FAM120B: variants seen among roughly 807,000 people sequenced by gnomAD.
FAM120B encodes constitutive coactivator of peroxisome proliferator-activated receptor gamma.
Under a neutral mutation model 96.3 loss-of-function variants are expected in FAM120B, and 83 were observed. The observed-to-expected ratio is 0.86, with a 90% confidence interval of 0.72 to 1.03. The LOEUF (loss-of-function observed/expected upper bound fraction) is 1.03. FAM120B is among the 50% of genes least tolerant of loss of function. The pLI, the probability that FAM120B is intolerant of heterozygous loss-of-function variation, is 0.00. For synonymous variants in FAM120B, 407 were observed against 402.7 expected (o/e 1.01, Z -0.13); for missense variants, 1,027 against 1,121.2 (o/e 0.92, Z 1.20).
chr6:170,395,770 G>T lies in FAM120B; in HGVS notation c.2692+191G>T, dbSNP rs367810372. ...AAGACAAATAATTTCCATGGTTGATGCTAGCCCTGTCTGCATCTGGCCACT... is the reference window on the plus strand; with the variant it reads ...AAGACAAATAATTTCCATGGTTGATTCTAGCCCTGTCTGCATCTGGCCACT... On this transcript the variant is annotated intron_variant, in intron 9 of 10. Transcript: ENST00000476287. Among the ~76,000 whole-genome samples, 14 of 152,324 alleles carry T rather than the reference G, an allele frequency of 9.2e-5. No individual in the cohort carries two copies. The East Asian group carries it at 2.5e-3, about 27-fold the overall frequency.
chr6:170,406,356 G>T lies in FAM120B; in HGVS notation c.*1605G>T, dbSNP rs1778802795. On this transcript the variant is annotated 3_prime_UTR_variant, in exon 11 of 11. Coordinates refer to ENST00000476287, the MANE Select transcript of FAM120B (RefSeq NM_032448.3). ...CACCTAAAGACATTTCCTTCTGGTT[G>T]TTGCTCTTTAAAAACAAAATAAGCC... is the stretch of plus-strand genomic sequence containing the variant. The T allele has an allele frequency of 1.3e-5, 2 of 152,160 alleles. No individual in the cohort carries two copies. Among genetic ancestry groups the T allele is most frequent in the African/African-American group, 4.8e-5 (2 of 41,432 alleles). 9.4% of individuals were successfully genotyped at this position (152,160 alleles called of 1,614,324 possible). A position where few individuals can be genotyped will look rare whatever the true frequency, so the allele number is the denominator to read the frequency against.
At chr6:170,365,111 G>A (rs747987314) in intron 6 of FAM120B, among the ~76,000 whole-genome samples, 2 of 152,234 alleles carry the variant, frequency 1.3e-5, no homozygotes, top group Non-Finnish European at 2.9e-5. Context: ...GTCAGGCTGA[G>A]CCCTAGGCCA....
chr6:170,372,562 T>C (rs1248895407), intron 6 of FAM120B, among the ~76,000 whole-genome samples: 1 of 152,216 alleles, frequency 6.6e-6, no homozygotes, highest in Non-Finnish European at 1.5e-5. Flanking sequence ...TGCTGTTTCC[T>C]TAGGTAAATA....
chr6:170,374,737 C>T (rs1033544630), intron 6 of FAM120B, among the ~76,000 whole-genome samples: 1 of 152,154 alleles, frequency 6.6e-6, no homozygotes, highest in Non-Finnish European at 1.5e-5. Flanking sequence ...CATTGTTGGT[C>T]GGGTGTCTGA....
chr6:170,397,858 G>A (rs1216181319), intron 9 of FAM120B, among the ~76,000 whole-genome samples: 2 of 152,330 alleles, frequency 1.3e-5, no homozygotes, highest in Non-Finnish European at 2.9e-5. Flanking sequence ...CAGTAAGGCA[G>A]GCTGGCAGGG....
At chr6:170,361,231 T>TATAC (rs1562567142) in intron 6 of FAM120B, among the ~76,000 whole-genome samples, 3 of 125,944 alleles carry the variant, frequency 2.4e-5, no homozygotes, top group Non-Finnish European at 5.0e-5. Context: ...TATATATATA[T>TATAC]ATATACACGT....
Position 170,330,481 on chromosome 6 carries a change from T to C in FAM120B, c.1948T>C (p.Trp650Arg), listed in dbSNP as rs759543979. Residue 650 changes from tryptophan (W) to arginine (R), a missense_variant, in exon 4 of 11, where the codon TGG (tryptophan) becomes CGG (arginine). Around this residue, in one of 3 missense-constraint regions of FAM120B, gnomAD observed 880 missense variants for 980.9 expected, o/e 0.90. Transcript: ENST00000476287. Reference protein sequence around the residue: ...VTSTCLAVKEWFVYPGNPLRH... With the variant: ...VTSTCLAVKERFVYPGNPLRH... ...CAGCACCTGCCTAGCTGTCAAGGAG[T>C]GGTTTGTGTATCCTGGGAACCCACT... is the stretch of plus-strand genomic sequence containing the variant. 1.9e-6 allele frequency: 3 copies of C among 1,613,990 alleles called. No individual in the cohort carries two copies. The highest frequency in any genetic ancestry group is 2.5e-6 in the Non-Finnish European group (3 of 1,179,978).
At chr6:170,386,714 A>C (rs959147212) in intron 6 of FAM120B, among the ~76,000 whole-genome samples, 1 of 152,336 alleles carries the variant, frequency 6.6e-6, no homozygotes, top group Admixed American at 6.5e-5. Context: ...TCTTCCAGAG[A>C]GCAGAAGAAG....
chr6:170,390,957 C>A, intron 7 of FAM120B, 56 bp from the exon 8 acceptor site: 3 of 1,422,694 alleles, frequency 2.1e-6, no homozygotes, highest in Non-Finnish European at 3.0e-6. Flanking sequence ...CCACATCTGG[C>A]CCTACTTTGC....
At chr6:170,312,685 T>G (rs1246084569) in intron 1 of FAM120B, among the ~76,000 whole-genome samples, 1 of 152,040 alleles carries the variant, frequency 6.6e-6, no homozygotes, top group East Asian at 1.9e-4. Flanking sequence ...AAGTGCATAA[T>G]AGCTATAGGC....
At chr6:170,352,815 A>G (rs1417185835) in intron 5 of FAM120B, among the ~76,000 whole-genome samples, 1 of 152,226 alleles carries the variant, frequency 6.6e-6, no homozygotes, top group Admixed American at 6.5e-5. Context: ...TGACATCTCT[A>G]CTAAAAGAAC....
chr6:170,393,596 C>A (rs372926078), intron 8 of FAM120B, among the ~76,000 whole-genome samples: 5 of 152,184 alleles, frequency 3.3e-5, no homozygotes, highest in African/African-American at 1.2e-4. Flanking sequence ...AAGATCATTT[C>A]GTGATTTGGA....
intron 9 of FAM120B, among the ~76,000 whole-genome samples, chr6:170,396,415 C>T (rs180896463): frequency 6.6e-6 from 1 of 152,292 alleles, no homozygotes; most frequent in East Asian, 1.9e-4. Context: ...TGCGAGTCCA[C>T]TGTATTGCTG....
Position 170,318,213 on chromosome 6 carries a change from C to T in FAM120B, c.823C>T (p.Leu275Phe). The change falls in exon 2 of 11, where the codon CTT (leucine) becomes TTT (phenylalanine). Residue 275 changes from leucine (L) to phenylalanine (F), a missense_variant. Around this residue, in one of 3 missense-constraint regions of FAM120B, gnomAD observed 880 missense variants for 980.9 expected, o/e 0.90. Transcript: ENST00000476287. The stretch of plus-strand genomic sequence containing the variant: ...TGTGTCAGACCATATATCGAAAGTT[C>T]TTTACTTGTATCAAGGTGAGAAAAA... ...LAVSDHISKV[L>F]YLYQGEKKLE... 1 of 1,613,814 alleles carries T rather than the reference C, an allele frequency of 6.2e-7. No individual in the cohort carries two copies. The highest frequency in any genetic ancestry group is 8.5e-7 in the Non-Finnish European group (1 of 1,179,934).
chr6:170,385,743 G>A (rs983889554), intron 6 of FAM120B, among the ~76,000 whole-genome samples: 1 of 152,210 alleles, frequency 6.6e-6, no homozygotes, highest in African/African-American at 2.4e-5. Context: ...GTCCTTCAGT[G>A]GGTGATTAGA....
chr6:170,358,858 CCAAT>C (rs1788146701), intron 6 of FAM120B, among the ~76,000 whole-genome samples: 1 of 152,158 alleles, frequency 6.6e-6, no homozygotes, highest in South Asian at 2.1e-4. Flanking sequence ...ACAAAATGGC[CCAAT>C]CACAGCTAAG....
At chr6:170,301,365 G>GC (rs1784137579) in intron 1 of FAM120B, among the ~76,000 whole-genome samples, 1 of 152,170 alleles carries the variant, frequency 6.6e-6, no homozygotes, top group African/African-American at 2.4e-5. Context: ...ACACAGAAAG[G>GC]GGGGGCCTGG....
chr6:170,393,886 C>T (rs1356862545), intron 8 of FAM120B, among the ~76,000 whole-genome samples: 4 of 151,876 alleles, frequency 2.6e-5, no homozygotes, highest in East Asian at 1.9e-4. Context: ...TTCCACGGGC[C>T]GCACAGCCAG....
chr6:170,347,936 A>G (rs548395957), intron 4 of FAM120B, among the ~76,000 whole-genome samples: 2 of 152,318 alleles, frequency 1.3e-5, no homozygotes, highest in African/African-American at 4.8e-5. Context: ...TAGCCATTAA[A>G]AAAAGAAGGA....
Sources: gnomAD v4.1 joint callset for allele counts (sites outside exome capture counted in the v4.1 genomes callset) on GRCh38, gnomAD v4.1.1 for gene constraint, gnomAD v4.1.1 regional missense constraint, MANE v1.5 for transcripts, NCBI Gene and HGNC (gene_info 2026-07-23, HGNC 2026-07-21) for gene names.